NRXN3: variants seen among roughly 807,000 people sequenced by gnomAD.
The protein encoded by NRXN3 is neurexin 3, also known as neurexin III.
NRXN3 carries 32 observed loss-of-function variants against 137.6 expected under a neutral mutation model. The ratio of observed to expected loss-of-function variants is 0.23; its 90% CI spans 0.18 to 0.31. The LOEUF is 0.31. Among genes scored for constraint, NRXN3 ranks in the 10% least tolerant of loss-of-function variants. NRXN3 has a pLI of 1.00. For missense variants in NRXN3, 1,574 were observed against 2,062.5 expected, an observed-to-expected ratio of 0.76 and a Z score of 4.59; for synonymous variants, 798 against 784.5, an observed-to-expected ratio of 1.02 and a Z score of -0.29.
chr14:79,381,086 T>C (rs1159000705), intron 15 of NRXN3, among the ~76,000 whole-genome samples: 1 of 152,118 alleles, frequency 6.6e-6, no homozygotes, highest in Non-Finnish European at 1.5e-5. Flanking sequence ...GTCAACAGTG[T>C]GCTCCAAGGT....
At position 79,131,336 on chromosome 14, in the gene NRXN3, T is replaced by C. The variant is rs556277232; in HGVS notation, c.3262+143195T>C. 3.3e-5 allele frequency among the ~76,000 whole-genome samples: 5 copies of C among 152,120 alleles called. No homozygotes were observed. In the East Asian group the frequency reaches 7.8e-4, roughly 24 times the overall value. On this transcript the variant is annotated intron_variant, in intron 15 of 20. Coordinates refer to ENST00000335750, the MANE Select transcript of NRXN3 (RefSeq NM_001330195.2). Reference sequence around the variant, plus strand: ...ATCTACTTTTGGTCTTTGATGATGGTGATGTACAGATGGGTTTTTCGTGTG... The same window carrying C: ...ATCTACTTTTGGTCTTTGATGATGGCGATGTACAGATGGGTTTTTCGTGTG...
chr14:79,441,013 A>G (rs2095931954), intron 15 of NRXN3, among the ~76,000 whole-genome samples: 1 of 152,202 alleles, frequency 6.6e-6, no homozygotes, highest in South Asian at 2.1e-4. Context: ...GCTTAGGTTA[A>G]CCCAACAACT....
At chr14:79,213,792 C>G (rs1479589931) in intron 15 of NRXN3, among the ~76,000 whole-genome samples, 1 of 152,174 alleles carries the variant, frequency 6.6e-6, no homozygotes, top group East Asian at 1.9e-4. Flanking sequence ...AGTTCTCTCA[C>G]TCTTTCAAAA....
chr14:78,292,405 A>G (rs889316376), intron 3 of NRXN3, among the ~76,000 whole-genome samples: 1 of 152,110 alleles, frequency 6.6e-6, no homozygotes, highest in Non-Finnish European at 1.5e-5. Context: ...TTCTCCTCTT[A>G]TTCCTCTATG....
intron 9 of NRXN3, among the ~76,000 whole-genome samples, chr14:78,805,357 TC>T (rs2098857403): frequency 6.6e-6 from 1 of 151,746 alleles, no homozygotes; most frequent in Admixed American, 6.6e-5. Flanking sequence ...TTTCCAATCC[TC>T]CCCGCCATCA....
At chr14:78,929,532 C>T (rs749332426) in intron 10 of NRXN3, among the ~76,000 whole-genome samples, 34 of 152,106 alleles carry the variant, frequency 2.2e-4, no homozygotes, top group African/African-American at 7.2e-4. Context: ...GTAAAGGACA[C>T]GATCTCATTC....
intron 20 of NRXN3, among the ~76,000 whole-genome samples, chr14:79,856,551 G>T (rs565054538): frequency 2.0e-5 from 3 of 151,634 alleles, no homozygotes; most frequent in Non-Finnish European, 4.4e-5. Flanking sequence ...TGGTATTTTC[G>T]TGAACTCTCA....
intron 2 of NRXN3, among the ~76,000 whole-genome samples, chr14:78,258,733 G>A (rs1161366460): frequency 6.6e-6 from 1 of 152,052 alleles, no homozygotes; most frequent in Non-Finnish European, 1.5e-5. Context: ...GTTGGGGCTT[G>A]CAGTTGAAAA....
At position 79,161,272 on chromosome 14, in the gene NRXN3, T is replaced by C. The variant is rs28603281; in HGVS notation, c.3262+173131T>C. Among the ~76,000 whole-genome samples, 358 of 152,082 alleles carry C rather than the reference T, an allele frequency of 2.4e-3. 2 individuals carry two copies. Among genetic ancestry groups the C allele is most frequent in the African/African-American group, 8.0e-3 (333 of 41,538 alleles). Reference sequence around the variant, plus strand: ...ATTCCTACTCATCTGTGACGTCTAATGTAATAGATTTTGAAGAATTATTTG... The same window carrying C: ...ATTCCTACTCATCTGTGACGTCTAACGTAATAGATTTTGAAGAATTATTTG... On this transcript the variant is annotated intron_variant, in intron 15 of 20. Transcript: ENST00000335750.
At chr14:78,365,747 A>C (rs2085839819) in intron 4 of NRXN3, among the ~76,000 whole-genome samples, 1 of 152,222 alleles carries the variant, frequency 6.6e-6, no homozygotes, top group Admixed American at 6.5e-5. Flanking sequence ...TGATGTACTG[A>C]AGTTTGTTCA....
chr14:79,145,647 G>A (rs535254507), intron 15 of NRXN3, among the ~76,000 whole-genome samples: 1 of 152,118 alleles, frequency 6.6e-6, no homozygotes, highest in African/African-American at 2.4e-5. Context: ...CTTTGCAATT[G>A]TTCTATGATA....
At chr14:79,726,130 T>G (rs1012615994) in intron 19 of NRXN3, among the ~76,000 whole-genome samples, 1 of 152,172 alleles carries the variant, frequency 6.6e-6, no homozygotes, top group African/African-American at 2.4e-5. Context: ...ACCAGAGACT[T>G]AGGCTAATTT....
intron 16 of NRXN3, among the ~76,000 whole-genome samples, chr14:79,487,204 C>T (rs1375273305): frequency 1.3e-5 from 2 of 152,266 alleles, no homozygotes; most frequent in Admixed American, 6.5e-5. Context: ...AAGCACTCGG[C>T]TCACTGCCTG....
intron 15 of NRXN3, among the ~76,000 whole-genome samples, chr14:79,138,250 G>A (rs1008873887): frequency 1.3e-5 from 2 of 152,062 alleles, no homozygotes; most frequent in African/African-American, 4.8e-5. Context: ...TGACCTTCCA[G>A]GCTCATGATC....
intron 17 of NRXN3, among the ~76,000 whole-genome samples, chr14:79,666,131 C>G (rs187000076): frequency 1.3e-5 from 2 of 152,086 alleles, no homozygotes; most frequent in Non-Finnish European, 2.9e-5. Context: ...GTAAGAATTT[C>G]TAAGAGTTTT....
chr14:79,790,464 A>T (rs1434754449), intron 19 of NRXN3, among the ~76,000 whole-genome samples: 1 of 151,282 alleles, frequency 6.6e-6, no homozygotes, highest in Non-Finnish European at 1.5e-5. Flanking sequence ...CACCACACCT[A>T]ATGTTTAATT....
intron 2 of NRXN3, among the ~76,000 whole-genome samples, chr14:78,272,321 A>T (rs542485517): frequency 6.6e-6 from 1 of 152,316 alleles, no homozygotes; most frequent in African/African-American, 2.4e-5. Context: ...TAGAGTGCAC[A>T]TACCAGTAGG....
chr14:78,715,225 A>G, intron 8 of NRXN3, 86 bp downstream of exon 8: 1 of 1,474,240 alleles, frequency 6.8e-7, no homozygotes, highest in Non-Finnish European at 9.1e-7. Context: ...AAGCCTTCGC[A>G]CCTACCTGCA....
chr14:78,544,560 A>T (rs1600224317), intron 4 of NRXN3, among the ~76,000 whole-genome samples: 1 of 152,238 alleles, frequency 6.6e-6, no homozygotes, highest in East Asian at 1.9e-4. Flanking sequence ...CCTAGACTTT[A>T]TATAACTTAC....
Sources: allele counts gnomAD v4.1 joint callset (sites outside exome capture counted in the v4.1 genomes callset), GRCh38; gene constraint gnomAD v4.1.1; transcripts MANE v1.5; gene names NCBI Gene and HGNC (gene_info 2026-07-23, HGNC 2026-07-21).